The following PDE4B variants were observed in gnomAD, a reference collection of about 807,000 sequenced individuals.
PDE4B encodes 3',5'-cyclic-AMP phosphodiesterase 4B.
PDE4B carries 20 observed loss-of-function variants against 82.2 expected under a neutral mutation model. That is an observed-to-expected ratio of 0.24 (90% confidence interval 0.17 to 0.35). The LOEUF (loss-of-function observed/expected upper bound fraction) is 0.35, where lower values mean the gene tolerates loss of function less well. PDE4B is among the 10% of genes least tolerant of loss of function. The pLI, the probability that PDE4B is intolerant of heterozygous loss-of-function variation, is 1.00. For missense variants in PDE4B, 655 were observed against 907.2 expected, an observed-to-expected ratio of 0.72 and a Z score of 3.57; for synonymous variants, 320 against 318.9, an observed-to-expected ratio of 1.00 and a Z score of -0.04.
chr1:66,071,110 G>A (rs753366270), intron 3 of PDE4B, among the ~76,000 whole-genome samples: 26 of 151,946 alleles, frequency 1.7e-4, no homozygotes, highest in Admixed American at 3.3e-4. Context: ...GCATTGACTA[G>A]CAGCATAAAA....
chr1:66,008,814 C>T (rs1459684900), intron 3 of PDE4B, among the ~76,000 whole-genome samples: 1 of 151,990 alleles, frequency 6.6e-6, no homozygotes, highest in African/African-American at 2.4e-5. Flanking sequence ...AATGTCTTTC[C>T]TTCCTCATGG....
intron 7 of PDE4B, chr1:66,331,972 G>T: frequency 9.8e-7 from 1 of 1,016,014 alleles, no homozygotes; most frequent in Non-Finnish European, 1.2e-6. Flanking sequence ...TCCTCAGGAT[G>T]AATGACTGCC....
At chr1:65,998,810 A>T (rs570941787) in intron 3 of PDE4B, among the ~76,000 whole-genome samples, 1 of 151,898 alleles carries the variant, frequency 6.6e-6, no homozygotes, top group African/African-American at 2.4e-5. Flanking sequence ...CTATTAGCTC[A>T]GTCCTAATTT....
Position 66,026,687 on chromosome 1 carries a change from G to C in PDE4B, c.281+107852G>C, listed in dbSNP as rs1278511614. Among the ~76,000 whole-genome samples the C allele has an allele frequency of 2.0e-5, 3 of 151,922 alleles. No homozygotes were observed. In the East Asian group the frequency reaches 5.8e-4, roughly 29 times the overall value. On this transcript the variant is annotated intron_variant, in intron 3 of 16. Coordinates refer to ENST00000341517, the MANE Select transcript of PDE4B (RefSeq NM_002600.4). ...ATATAAAGCACTCAGCAATGTGCCT[G>C]GTATATAGTGTGTGCTCACTAAATA...
intron 3 of PDE4B, among the ~76,000 whole-genome samples, chr1:66,149,691 A>C (rs1433935310): frequency 6.6e-6 from 1 of 152,102 alleles, no homozygotes; most frequent in African/African-American, 2.4e-5. Context: ...TATCTCTCCA[A>C]AAAAGTGAAA....
rs1346264566 is a variant in PDE4B at position 66,125,289 on chromosome 1, G to A, written c.282-122171G>A. Among the ~76,000 whole-genome samples the A allele has an allele frequency of 2.0e-5, 3 of 151,252 alleles. No individual in the cohort carries two copies. The East Asian group carries it at 5.9e-4, about 30-fold the overall frequency. On this transcript the variant is annotated intron_variant, in intron 3 of 16. Transcript: ENST00000341517. Reference sequence around the variant, plus strand: ...AGCGATTCTCCTGCCTCAGCCTCCCGAGTAGATGGGATTACAAGTGCCAGC... The same window carrying A: ...AGCGATTCTCCTGCCTCAGCCTCCCAAGTAGATGGGATTACAAGTGCCAGC...
chr1:66,052,555 G>GTT (rs11375339), intron 3 of PDE4B, among the ~76,000 whole-genome samples: 1,889 of 139,308 alleles, frequency 0.014, 29 homozygotes, highest in East Asian at 0.042. Flanking sequence ...CAGGGACCGA[G>GTT]TTTTTTTTTT....
intron 8 of PDE4B, among the ~76,000 whole-genome samples, chr1:66,335,145 A>T (rs1396671196): frequency 6.6e-6 from 1 of 152,216 alleles, no homozygotes; most frequent in Non-Finnish European, 1.5e-5. Context: ...TTATCAACTA[A>T]GGAGCCAGTG....
chr1:66,336,265 G>T (rs978559354), intron 8 of PDE4B, among the ~76,000 whole-genome samples: 13 of 152,172 alleles, frequency 8.5e-5, no homozygotes, highest in African/African-American at 2.7e-4. Context: ...GTACAGGGTT[G>T]CAACAACAGT....
chr1:65,903,432 C>T (rs949984025), intron 1 of PDE4B, among the ~76,000 whole-genome samples: 2 of 151,860 alleles, frequency 1.3e-5, no homozygotes, highest in African/African-American at 4.8e-5. Flanking sequence ...CACACACACA[C>T]ACACACACAC....
chr1:65,987,234 C>A (rs1233080179), intron 3 of PDE4B, among the ~76,000 whole-genome samples: 2 of 152,078 alleles, frequency 1.3e-5, no homozygotes, highest in Non-Finnish European at 2.9e-5. Context: ...TACAAGCCTC[C>A]CACCTAGGAT....
intron 3 of PDE4B, among the ~76,000 whole-genome samples, chr1:65,937,248 G>A (rs923758069): frequency 1.3e-5 from 2 of 152,126 alleles, no homozygotes; most frequent in African/African-American, 4.8e-5. Flanking sequence ...CTGTCTCAAC[G>A]TTCACCTCCA....
chr1:66,178,509 A>G (rs1646983124), intron 3 of PDE4B, among the ~76,000 whole-genome samples: 1 of 152,176 alleles, frequency 6.6e-6, no homozygotes, highest in South Asian at 2.1e-4. Flanking sequence ...GTTGTTATTT[A>G]TAAAGTTTAT....
chr1:66,074,350 A>T (rs1283225113), intron 3 of PDE4B, among the ~76,000 whole-genome samples: 1 of 152,112 alleles, frequency 6.6e-6, no homozygotes, highest in Non-Finnish European at 1.5e-5. Context: ...AGTGCTGATT[A>T]AGCACTATTT....
At chr1:65,903,604 AAAAC>A (rs959022966) in intron 1 of PDE4B, among the ~76,000 whole-genome samples, 103 of 152,336 alleles carry the variant, frequency 6.8e-4, no homozygotes, top group African/African-American at 2.4e-3. Flanking sequence ...AAAATTTAAA[AAAAC>A]AAAAATAAAT....
At chr1:66,126,580 T>C (rs1645828684) in intron 3 of PDE4B, among the ~76,000 whole-genome samples, 1 of 152,150 alleles carries the variant, frequency 6.6e-6, no homozygotes, top group Non-Finnish European at 1.5e-5. Flanking sequence ...CAAACAGAAC[T>C]GTCCTTAAAG....
chr1:66,114,076 A>T (rs1042593062), intron 3 of PDE4B, among the ~76,000 whole-genome samples: 3 of 152,190 alleles, frequency 2.0e-5, no homozygotes, highest in Non-Finnish European at 4.4e-5. Context: ...ATGAGGGCAG[A>T]GCTCTCATAA....
intron 1 of PDE4B, among the ~76,000 whole-genome samples, chr1:65,798,716 A>G (rs1217282585): frequency 1.3e-5 from 2 of 152,222 alleles, no homozygotes; most frequent in African/African-American, 4.8e-5. Context: ...TGAAAATACT[A>G]GTTTGATTGT....
At chr1:65,895,006 A>G (rs1007084189) in intron 1 of PDE4B, among the ~76,000 whole-genome samples, 19 of 152,176 alleles carry the variant, frequency 1.2e-4, no homozygotes, top group Non-Finnish European at 1.5e-5. Context: ...ACATTTACCA[A>G]ATGACTCAGA....
Sources: allele counts gnomAD v4.1 joint callset (sites outside exome capture counted in the v4.1 genomes callset), GRCh38; gene constraint gnomAD v4.1.1; transcripts MANE v1.5; gene names NCBI Gene and HGNC (gene_info 2026-07-23, HGNC 2026-07-21).